RALYL: variants seen among roughly 807,000 people sequenced by gnomAD.
RALYL encodes RALY RNA binding protein like, also known as RNA-binding Raly-like protein.
RALYL carries 29 observed loss-of-function variants against 35.1 expected under a neutral mutation model. That is an observed-to-expected ratio of 0.83 (90% CI 0.61 to 1.13). The LOEUF (loss-of-function observed/expected upper bound fraction) is 1.13. RALYL is among the 50% of genes most tolerant of loss of function. RALYL has a pLI of 0.00. For missense variants in RALYL, 359 were observed against 360.4 expected (o/e 1.00, Z 0.03); for synonymous variants, 120 against 127.6 (o/e 0.94, Z 0.40).
chr8:84,321,895 G>A (rs1844902436), intron 1 of RALYL, among the ~76,000 whole-genome samples: 1 of 152,024 alleles, frequency 6.6e-6, no homozygotes. Flanking sequence ...AGAGAAAACA[G>A]ACATAAGAAC....
At chr8:84,199,079 C>G (rs972864660) in intron 1 of RALYL, among the ~76,000 whole-genome samples, 2 of 152,102 alleles carry the variant, frequency 1.3e-5, no homozygotes, top group Non-Finnish European at 2.9e-5. Flanking sequence ...AAACCGTTTT[C>G]CATAGTGGTT....
chr8:84,375,735 G>T (rs73298725), intron 1 of RALYL, among the ~76,000 whole-genome samples: 4,488 of 151,712 alleles, frequency 0.03, 213 homozygotes, highest in African/African-American at 0.1. Context: ...CAACTTATTT[G>T]CCAAAGTAGA....
At chr8:84,351,611 C>T (rs552007078) in intron 1 of RALYL, among the ~76,000 whole-genome samples, 1 of 148,652 alleles carries the variant, frequency 6.7e-6, no homozygotes, top group South Asian at 2.1e-4. Context: ...TGATAGTCTC[C>T]CATATTGTTA....
intron 3 of RALYL, among the ~76,000 whole-genome samples, chr8:84,790,058 T>C (rs1409904231): frequency 6.6e-6 from 1 of 152,200 alleles, no homozygotes; most frequent in African/African-American, 2.4e-5. Context: ...GAAGCACATA[T>C]AGACAGGCAG....
chr8:84,329,177 T>C (rs1440410010), intron 1 of RALYL, among the ~76,000 whole-genome samples: 2 of 152,108 alleles, frequency 1.3e-5, no homozygotes, highest in Non-Finnish European at 2.9e-5. Flanking sequence ...TTGAGAAATC[T>C]CCAAACAGCT....
At chr8:84,888,950 A>G (rs10086063) in intron 8 of RALYL, among the ~76,000 whole-genome samples, 2,669 of 152,242 alleles carry the variant, frequency 0.018, 66 homozygotes, top group African/African-American at 0.061. Flanking sequence ...CGGTTTCACC[A>G]TGTTGGCCAG....
At chr8:84,765,073 T>C (rs533843822) in intron 2 of RALYL, among the ~76,000 whole-genome samples, 1 of 152,240 alleles carries the variant, frequency 6.6e-6, no homozygotes, top group African/African-American at 2.4e-5. Flanking sequence ...ACCACAGGGC[T>C]GTGAACCCAC....
intron 1 of RALYL, among the ~76,000 whole-genome samples, chr8:84,442,412 A>T (rs1389773566): frequency 6.6e-6 from 1 of 152,146 alleles, no homozygotes; most frequent in African/African-American, 2.4e-5. Context: ...TTCTTTATAC[A>T]ACGTTTATTG....
chr8:84,708,563 T>C (rs557812816), intron 2 of RALYL, among the ~76,000 whole-genome samples: 2 of 152,224 alleles, frequency 1.3e-5, no homozygotes, highest in South Asian at 4.1e-4. Context: ...TACAGACCAA[T>C]TTAAGGAATT....
At chr8:84,218,070 G>T (rs984338327) in intron 1 of RALYL, among the ~76,000 whole-genome samples, 2 of 151,068 alleles carry the variant, frequency 1.3e-5, no homozygotes, top group African/African-American at 4.9e-5. Context: ...AAAATATAAA[G>T]TCTTTAGAAG....
At chr8:84,822,009 G>A (rs1471294815) in intron 4 of RALYL, among the ~76,000 whole-genome samples, 1 of 152,100 alleles carries the variant, frequency 6.6e-6, no homozygotes, top group Non-Finnish European at 1.5e-5. Context: ...ATGAAATAAT[G>A]TGCTTGTAGT....
chr8:84,187,351 G>A (rs1433991498), intron 1 of RALYL, among the ~76,000 whole-genome samples: 2 of 152,034 alleles, frequency 1.3e-5, no homozygotes, highest in Admixed American at 6.5e-5. Context: ...TGAGTGTGTG[G>A]TCTGTTGAAG....
At chr8:84,556,026 T>C (rs573961048) in intron 2 of RALYL, among the ~76,000 whole-genome samples, 1 of 152,342 alleles carries the variant, frequency 6.6e-6, no homozygotes, top group Non-Finnish European at 1.5e-5. Context: ...CATGTCTGTA[T>C]GGTCTGCACT....
chr8:84,672,967 G>A (rs550630224), intron 2 of RALYL, among the ~76,000 whole-genome samples: 12 of 152,128 alleles, frequency 7.9e-5, no homozygotes, highest in Non-Finnish European at 1.8e-4. Context: ...TTCCACAAAG[G>A]CTGAACTAAT....
At chr8:84,877,034 T>C (rs1291236756) in intron 7 of RALYL, among the ~76,000 whole-genome samples, 1 of 152,186 alleles carries the variant, frequency 6.6e-6, no homozygotes, top group Non-Finnish European at 1.5e-5. Context: ...TATTATCTAT[T>C]TGGTCCCTGT....
At chr8:84,422,832 G>T (rs1181201912) in intron 1 of RALYL, among the ~76,000 whole-genome samples, 2 of 148,606 alleles carry the variant, frequency 1.3e-5, no homozygotes, top group Admixed American at 6.7e-5. Flanking sequence ...GGAGCAGGTT[G>T]TTCAGTTTCC....
chr8:84,871,839 T>A (rs528587341), intron 6 of RALYL, among the ~76,000 whole-genome samples: 1 of 152,324 alleles, frequency 6.6e-6, no homozygotes, highest in East Asian at 1.9e-4. Context: ...CCCTTAAGAT[T>A]TAGTGTTTAT....
At chr8:84,618,065 G>C (rs1820272144) in intron 2 of RALYL, among the ~76,000 whole-genome samples, 1 of 151,642 alleles carries the variant, frequency 6.6e-6, no homozygotes, top group Admixed American at 6.6e-5. Context: ...TTTTTTGGTT[G>C]TGTCTCTGCC....
intron 4 of RALYL, chr8:84,829,353 G>C (rs1282960211): frequency 1.3e-5 from 2 of 152,662 alleles, no homozygotes; most frequent in Non-Finnish European, 2.9e-5. Flanking sequence ...AGTAGACAAA[G>C]AGGCCTTAAA....
Sources: gnomAD v4.1 joint callset for allele counts (sites outside exome capture counted in the v4.1 genomes callset) on GRCh38, gnomAD v4.1.1 for gene constraint, MANE v1.5 for transcripts, NCBI Gene and HGNC (gene_info 2026-07-23, HGNC 2026-07-21) for gene names.